PPP1R21: variants seen among roughly 807,000 people sequenced by gnomAD.
PPP1R21 encodes KLRAQ motif containing 1.
Under a neutral mutation model 112.8 loss-of-function variants are expected in PPP1R21, and 85 were observed. That is an observed-to-expected ratio of 0.75 (90% confidence interval 0.63 to 0.90). PPP1R21 has a LOEUF of 0.90. PPP1R21 is among the 40% of genes least tolerant of loss of function. The pLI is 0.00. For synonymous variants in PPP1R21, 381 were observed against 322.3 expected (o/e 1.18, Z -1.95); for missense variants, 1,199 against 901.5 (o/e 1.33, Z -4.23).
At chr2:48,472,497 A>C (rs1261126785) in intron 11 of PPP1R21, among the ~76,000 whole-genome samples, 1 of 151,258 alleles carries the variant, frequency 6.6e-6, no homozygotes, top group South Asian at 2.1e-4. Context: ...GTGGTGGTGC[A>C]TGCCTGTAGT....
intron 12 of PPP1R21, among the ~76,000 whole-genome samples, chr2:48,479,199 G>A (rs376069940): frequency 1.3e-5 from 2 of 152,218 alleles, no homozygotes; most frequent in East Asian, 1.9e-4. Context: ...CACTTGCTCA[G>A]AATTTAGCTT....
intron 1 of PPP1R21, among the ~76,000 whole-genome samples, chr2:48,447,978 TAAA>T (rs200318371): frequency 6.8e-6 from 1 of 146,114 alleles, no homozygotes; most frequent in African/African-American, 2.5e-5. Flanking sequence ...AATAATAAAA[TAAA>T]AAAAAAAGAT....
chr2:48,479,783 T>C, intron 12 of PPP1R21, 141 bp from the exon 13 acceptor site: 1 of 656,908 alleles, frequency 1.5e-6, no homozygotes, highest in Non-Finnish European at 2.8e-6. Context: ...TATGTCTGAA[T>C]GTATCTGCCA....
intron 19 of PPP1R21, among the ~76,000 whole-genome samples, chr2:48,509,769 G>A (rs1309059622): frequency 2.6e-5 from 4 of 152,146 alleles, no homozygotes; most frequent in African/African-American, 9.7e-5. Context: ...AGGCTAGAGT[G>A]AAGAAAAAAA....
At chr2:48,480,086 T>C (rs1347845654) in intron 13 of PPP1R21, 70 bp downstream of exon 13, 1 of 1,046,898 alleles carries the variant, frequency 9.6e-7, no homozygotes, top group African/African-American at 1.6e-5. Flanking sequence ...GAATAAGATT[T>C]AAACAAACAC....
chr2:48,443,860 T>C (rs1014403389), intron 1 of PPP1R21, among the ~76,000 whole-genome samples: 4 of 152,176 alleles, frequency 2.6e-5, no homozygotes, highest in Admixed American at 6.5e-5. Flanking sequence ...TTCTGCCTTA[T>C]TTAGGATACA....
intron 1 of PPP1R21, among the ~76,000 whole-genome samples, chr2:48,450,259 C>A (rs2103753987): frequency 6.6e-6 from 1 of 152,248 alleles, no homozygotes; most frequent in African/African-American, 2.4e-5. Context: ...GAGTCTGAAT[C>A]TCAGCATTGC....
At position 48,440,847 on chromosome 2, in the gene PPP1R21, A is replaced by T; in HGVS notation, c.-107A>T. 1.3e-6 allele frequency: 1 copy of T among 759,384 alleles called. No individual in the cohort carries two copies. The highest frequency in any genetic ancestry group is 2.1e-6 in the Non-Finnish European group (1 of 467,638). The allele number at this position is 759,384 out of a possible 1,614,324, so 47.0% of individuals were successfully genotyped here. A position where few individuals can be genotyped will look rare whatever the true frequency, so the allele number is the denominator to read the frequency against. On this transcript the variant is annotated 5_prime_UTR_variant, in exon 1 of 22. The change creates a new upstream start codon in the 5' untranslated region. Coordinates refer to ENST00000294952, the MANE Select transcript of PPP1R21 (RefSeq NM_001135629.3). Reference sequence around the variant, plus strand: ...GCGGCGGCGGCGGCTGCGGTGGCCAAGCAGGCAGATACTGCCTGACCCGTT... The same window carrying T: ...GCGGCGGCGGCGGCTGCGGTGGCCATGCAGGCAGATACTGCCTGACCCGTT...
chr2:48,481,868 C>A (rs1669028867), intron 13 of PPP1R21, among the ~76,000 whole-genome samples: 1 of 151,074 alleles, frequency 6.6e-6, no homozygotes, highest in African/African-American at 2.5e-5. Context: ...CGCACTTGCC[C>A]TCACGTGACA....
At chr2:48,472,145 C>T (rs1668539600) in intron 11 of PPP1R21, among the ~76,000 whole-genome samples, 1 of 138,150 alleles carries the variant, frequency 7.2e-6, no homozygotes, top group Non-Finnish European at 1.5e-5. Flanking sequence ...GAGGCTGAGG[C>T]AGGAGAATCG....
intron 7 of PPP1R21, among the ~76,000 whole-genome samples, chr2:48,464,700 T>C (rs1283127292): frequency 6.6e-6 from 1 of 152,158 alleles, no homozygotes; most frequent in Non-Finnish European, 1.5e-5. Context: ...TTCTTAGAAA[T>C]GGAAACACTG....
At chr2:48,444,136 A>G (rs1280104292) in intron 1 of PPP1R21, among the ~76,000 whole-genome samples, 5 of 152,224 alleles carry the variant, frequency 3.3e-5, no homozygotes, top group Non-Finnish European at 7.3e-5. Context: ...GTCAAAGCAG[A>G]TGAGAATTGC....
At position 48,505,607 on chromosome 2, in the gene PPP1R21, C is replaced by G. The variant is rs1196052578; in HGVS notation, c.1968+11C>G. On this transcript the variant is annotated intron_variant, in intron 18 of 21. Coordinates refer to ENST00000294952, the MANE Select transcript of PPP1R21 (RefSeq NM_001135629.3). ...ACATCTGACAGTGAGGTAACATGTG[C>G]TTGTCATCATGTTGTTTGTTAGTAA... The G allele has an allele frequency of 1.3e-6, 2 of 1,545,074 alleles. No homozygotes were observed.
At chr2:48,492,755 G>C (rs948718549) in intron 15 of PPP1R21, among the ~76,000 whole-genome samples, 4 of 152,154 alleles carry the variant, frequency 2.6e-5, no homozygotes, top group African/African-American at 9.7e-5. Context: ...TATGTGAATT[G>C]CTGGTTCAAA....
At chr2:48,501,826 T>A (rs1285513363) in intron 17 of PPP1R21, 1 of 151,620 alleles carries the variant, frequency 6.6e-6, no homozygotes, top group African/African-American at 2.4e-5. Context: ...AAAAAACAAA[T>A]AAACATCAGA....
chr2:48,469,529 T>TAGAGC (rs1558457949), intron 9 of PPP1R21, among the ~76,000 whole-genome samples: 640 of 61,576 alleles, frequency 0.01, 63 homozygotes, highest in South Asian at 0.025. Context: ...TATATATATA[T>TAGAGC]ATATATAGAG....
chr2:48,448,891 C>G (rs1361740838), intron 1 of PPP1R21, among the ~76,000 whole-genome samples: 5 of 152,190 alleles, frequency 3.3e-5, no homozygotes, highest in Admixed American at 3.3e-4. Context: ...TCCATTGTAC[C>G]TCAAAAGCAA....
At chr2:48,461,024 G>C (rs1667952935) in intron 6 of PPP1R21, 114 bp from the exon 7 acceptor site, 1 of 1,448,404 alleles carries the variant, frequency 6.9e-7, no homozygotes, top group Non-Finnish European at 9.1e-7. Flanking sequence ...GAGTATCCCA[G>C]ATGTCAGGTG....
chr2:48,473,614 CTGT>C (rs1220967893), intron 11 of PPP1R21, among the ~76,000 whole-genome samples: 1 of 152,112 alleles, frequency 6.6e-6, no homozygotes, highest in Non-Finnish European at 1.5e-5. Context: ...ACAAGATGAC[CTGT>C]TGTTTAGTAG....
Sources: allele counts gnomAD v4.1 joint callset (sites outside exome capture counted in the v4.1 genomes callset), GRCh38; gene constraint gnomAD v4.1.1; transcripts MANE v1.5; gene names NCBI Gene and HGNC (gene_info 2026-07-23, HGNC 2026-07-21).